CD1B: variants seen among roughly 807,000 people sequenced by gnomAD.
CD1B encodes the protein T-cell surface glycoprotein CD1b.
A neutral mutation model predicts 39.8 loss-of-function variants in CD1B; 43 were observed. The observed-to-expected ratio is 1.08, with a 90% CI of 0.85 to 1.39. The LOEUF (loss-of-function observed/expected upper bound fraction) is 1.39, where lower values mean the gene tolerates loss of function less well. Ranked by LOEUF, CD1B falls within the 40% of genes most tolerant of loss-of-function variation. CD1B has a pLI of 0.00. For missense variants in CD1B, 495 were observed against 403.8 expected, an observed-to-expected ratio of 1.23 and a Z score of -1.94; for synonymous variants, 192 against 152.5, an observed-to-expected ratio of 1.26 and a Z score of -1.91.
the CD1B span, among the ~76,000 whole-genome samples, chr1:158,306,383 T>A: frequency 6.6e-6 from 1 of 152,136 alleles, no homozygotes; most frequent in Non-Finnish European, 1.5e-5. Context: ...GAGCTAACTA[T>A]CCTAAATATT....
At chr1:158,325,456 T>C (rs1374798561), downstream of CD1B, among the ~76,000 whole-genome samples, 3 of 152,128 alleles carry the variant, frequency 2.0e-5, no homozygotes, top group Admixed American at 6.5e-5. Flanking sequence ...AATAAATAAA[T>C]AGATGCAGCT....
At chr1:158,316,239 A>T in the CD1B span, among the ~76,000 whole-genome samples, 3 of 152,014 alleles carry the variant, frequency 2.0e-5, no homozygotes, top group Non-Finnish European at 4.4e-5. Context: ...TCTGTAAATT[A>T]CCTTGGGCAG....
the CD1B span, among the ~76,000 whole-genome samples, chr1:158,316,519 T>A: frequency 5.9e-5 from 9 of 151,952 alleles, no homozygotes; most frequent in South Asian, 1.9e-3. Flanking sequence ...TATCCTGAGA[T>A]TTTGCTGAAG....
chr1:158,323,435 G>A (rs7524580), downstream of CD1B, among the ~76,000 whole-genome samples: 1,661 of 152,046 alleles, frequency 0.011, 31 homozygotes, highest in African/African-American at 0.038. Flanking sequence ...TCCTTAACAA[G>A]CTATTCTGAA....
At chr1:158,315,624 G>A in the CD1B span, among the ~76,000 whole-genome samples, 1 of 151,110 alleles carries the variant, frequency 6.6e-6, no homozygotes, top group Non-Finnish European at 1.5e-5. Flanking sequence ...TCACTCTGAT[G>A]GTAGTTTCTT....
At chr1:158,309,174 T>C in the CD1B span, among the ~76,000 whole-genome samples, 18 of 152,146 alleles carry the variant, frequency 1.2e-4, 1 homozygote, top group South Asian at 6.2e-4. Flanking sequence ...GGGCAAAGGA[T>C]ATGAACAGAC....
At chr1:158,318,349 G>A in the CD1B span, among the ~76,000 whole-genome samples, 15 of 152,186 alleles carry the variant, frequency 9.9e-5, no homozygotes, top group Non-Finnish European at 4.4e-5. Context: ...GGGTGCTCCT[G>A]TATTGGGTGC....
chr1:158,299,088 G>A, the CD1B span, among the ~76,000 whole-genome samples: 3 of 152,260 alleles, frequency 2.0e-5, no homozygotes, highest in East Asian at 1.9e-4. Flanking sequence ...TCCTTGTCTT[G>A]TGCCAGTTTT....
At chr1:158,315,539 T>A in the CD1B span, among the ~76,000 whole-genome samples, 5,269 of 151,182 alleles carry the variant, frequency 0.035, 283 homozygotes, top group African/African-American at 0.12. Context: ...TTGAGTTCAT[T>A]GTAGATTCTC....
the CD1B span, among the ~76,000 whole-genome samples, chr1:158,318,854 G>T: frequency 6.6e-6 from 1 of 152,132 alleles, no homozygotes; most frequent in African/African-American, 2.4e-5. Context: ...TTTAGGGCAG[G>T]CCTGTTGGTG....
At chr1:158,319,736 G>A in the CD1B span, among the ~76,000 whole-genome samples, 27 of 152,290 alleles carry the variant, frequency 1.8e-4, no homozygotes, top group Middle Eastern at 3.4e-3. Context: ...GAGGAGAGGC[G>A]CTCTGCTTTT....
At chr1:158,290,076 G>T in the CD1B span, 1 of 1,613,950 alleles carries the variant, frequency 6.2e-7, no homozygotes, top group African/African-American at 1.3e-5. Context: ...TGCTGTTTCT[G>T]CAGTTTCTGC....
Position 158,330,855 on chromosome 1 carries a change from A to T in CD1B, c.269T>A (p.Val90Asp), listed in dbSNP as rs1175089885. The change falls in exon 2 of 6, where the codon GTC becomes GAC. Residue 90 changes from valine (V) to aspartate (D), a missense_variant. Transcript: ENST00000368168. ...EVAELEEIFR[V>D]YIFGFAREVQ... The stretch of plus-strand genomic sequence containing the variant: ...TTCTCGAGCGAATCCAAAGATGTAG[A>T]CTCGGAATATCTCCTCTAACTCAGC... 3.7e-6 allele frequency: 6 copies of T among 1,613,926 alleles called. No individual in the cohort carries two copies. The African/African-American group carries it at 6.7e-5, about 18-fold the overall frequency.
At chr1:158,320,498 T>A in the CD1B span, among the ~76,000 whole-genome samples, 1 of 152,130 alleles carries the variant, frequency 6.6e-6, no homozygotes, top group African/African-American at 2.4e-5. Context: ...AGTGAGGCAA[T>A]GCCTCACCCC....
At chr1:158,310,307 C>G in the CD1B span, among the ~76,000 whole-genome samples, 2 of 152,114 alleles carry the variant, frequency 1.3e-5, no homozygotes, top group Non-Finnish European at 2.9e-5. Flanking sequence ...TCACCACATA[C>G]AAAAGTTAAT....
the CD1B span, among the ~76,000 whole-genome samples, chr1:158,317,290 C>T: frequency 1.2e-3 from 176 of 152,196 alleles, 2 homozygotes; most frequent in African/African-American, 4.1e-3. Context: ...TCCATCTGGT[C>T]CTGGACTCTT....
chr1:158,313,253 A>G, the CD1B span, among the ~76,000 whole-genome samples: 3 of 151,848 alleles, frequency 2.0e-5, no homozygotes, highest in Non-Finnish European at 2.9e-5. Context: ...GTTTGCTAGC[A>G]TTTTCTTGAG....
chr1:158,309,139 AAAAC>A, the CD1B span, among the ~76,000 whole-genome samples: 2 of 152,210 alleles, frequency 1.3e-5, no homozygotes, highest in East Asian at 1.9e-4. Flanking sequence ...TTACAAGAAA[AAAAC>A]AAACAACCCC....
In CD1B at chr1:158,328,134, C is replaced by T; in HGVS notation, c.*102G>A. The T allele has an allele frequency of 1.1e-6, 1 of 917,644 alleles. No homozygotes were observed. The highest frequency in any genetic ancestry group is 1.7e-6 in the Non-Finnish European group (1 of 579,892). The allele number at this position is 917,644 out of a possible 1,614,324, so 56.8% of individuals were successfully genotyped here. A position where few individuals can be genotyped will look rare whatever the true frequency, so the allele number is the denominator to read the frequency against. On this transcript the variant is annotated 3_prime_UTR_variant, in exon 6 of 6. Coordinates refer to ENST00000368168, the MANE Select transcript of CD1B (RefSeq NM_001764.3). ...AAATACATGAAAACTCTGATTTCAT[C>T]AAATTTGAAAATCATTTGAAATATG...
Sources: allele counts gnomAD v4.1 joint callset (sites outside exome capture counted in the v4.1 genomes callset), GRCh38; gene constraint gnomAD v4.1.1; transcripts MANE v1.5; gene names NCBI Gene and HGNC (gene_info 2026-07-23, HGNC 2026-07-21).